CRYBG1: variants seen among roughly 807,000 people sequenced by gnomAD.
CRYBG1 encodes crystallin beta-gamma domain containing 1.
In CRYBG1, 139 loss-of-function variants were observed where a neutral mutation model predicts 189.2. The observed-to-expected ratio is 0.73, with a 90% CI of 0.64 to 0.85. The LOEUF is 0.85. Ranked by LOEUF, CRYBG1 falls within the 40% of genes least tolerant of loss-of-function variation. The pLI is 0.00. For missense variants in CRYBG1, 2,611 were observed against 2,675.8 expected (o/e 0.98, Z 0.53); for synonymous variants, 1,023 against 1,017.1 (o/e 1.01, Z -0.11).
chr6:106,557,867 G>A (rs190003373), intron 17 of CRYBG1, among the ~76,000 whole-genome samples: 106 of 152,342 alleles, frequency 7.0e-4, no homozygotes, highest in South Asian at 1.0e-3. Flanking sequence ...AACAGTGAAC[G>A]TTTGTGCTGT....
In CRYBG1 at chr6:106,451,781, C is replaced by G; in HGVS notation, c.261C>G (p.Thr87=). Residue 87 remains threonine (T), a synonymous_variant, in exon 2 of 22, where the codon ACC becomes ACG. Coordinates refer to ENST00000633556, the MANE Select transcript of CRYBG1 (RefSeq NM_001371242.2). The part of the protein sequence containing the change: ...LHCGESQFFH[T]TSEALGSLLL... ...GTGGGGAATCCCAGTTCTTCCACAC[C>G]ACCAGTGAGGCGCTTGGTTCCTTAC... 1 of 1,534,954 alleles carries G rather than the reference C, an allele frequency of 6.5e-7. No individual in the cohort carries two copies. Among genetic ancestry groups the G allele is most frequent in the Non-Finnish European group, 8.7e-7 (1 of 1,146,434 alleles).
chr6:106,502,100 T>C (rs1773024981), intron 2 of CRYBG1, among the ~76,000 whole-genome samples: 1 of 152,146 alleles, frequency 6.6e-6, no homozygotes, highest in South Asian at 2.1e-4. Flanking sequence ...GCTGTGTTAG[T>C]TGTCTCCAAG....
chr6:106,500,431 A>C (rs1772979001), intron 2 of CRYBG1, among the ~76,000 whole-genome samples: 3 of 97,334 alleles, frequency 3.1e-5, no homozygotes, highest in African/African-American at 9.0e-5. Flanking sequence ...TAAAAAAAAA[A>C]ACAAAAAAAA....
intron 1 of CRYBG1, among the ~76,000 whole-genome samples, chr6:106,390,462 G>C (rs1014317504): frequency 4.0e-5 from 6 of 150,232 alleles, no homozygotes; most frequent in African/African-American, 9.8e-5. Flanking sequence ...ATCTTACATA[G>C]AGCAAAATAT....
At chr6:106,561,689 G>C (rs911054548) in intron 20 of CRYBG1, among the ~76,000 whole-genome samples, 189 bp downstream of exon 20, 2 of 152,184 alleles carry the variant, frequency 1.3e-5, no homozygotes, top group Non-Finnish European at 2.9e-5. Flanking sequence ...AACTTAAAAT[G>C]AAAGGTAAAT....
At chr6:106,507,511 T>C (rs1227010010) in intron 2 of CRYBG1, among the ~76,000 whole-genome samples, 4 of 152,134 alleles carry the variant, frequency 2.6e-5, no homozygotes, top group African/African-American at 9.7e-5. Context: ...ATGAAGAAAC[T>C]TGATGGTCAC....
In CRYBG1 at chr6:106,571,917, A is replaced by C. The variant is rs1775073778; in HGVS notation, c.*3351A>C. 3 of 866,394 alleles carry C rather than the reference A, an allele frequency of 3.5e-6. No individual in the cohort carries two copies. The highest frequency in any genetic ancestry group is 4.1e-5 in the Admixed American group (2 of 48,742). 53.7% of individuals were successfully genotyped at this position (866,394 alleles called of 1,614,324 possible). A position where few individuals can be genotyped will look rare whatever the true frequency, so the allele number is the denominator to read the frequency against. The stretch of plus-strand genomic sequence containing the variant: ...AATCTAATCTGGAAAAATGTTTGAA[A>C]GGGATGGCTAGAAAAAAATTTGGGC... On this transcript the variant is annotated 3_prime_UTR_variant, in exon 22 of 22. Transcript: ENST00000633556.
intron 1 of CRYBG1, among the ~76,000 whole-genome samples, chr6:106,434,488 A>G (rs1562306129): frequency 6.6e-6 from 1 of 152,242 alleles, no homozygotes; most frequent in Non-Finnish European, 1.5e-5. Context: ...AATACTGATT[A>G]GAGTTTTAGG....
rs766645483 is a variant in CRYBG1 at position 106,530,331 on chromosome 6, T to C, written c.4718+16T>C. 1.9e-6 allele frequency: 3 copies of C among 1,592,008 alleles called. No individual in the cohort carries two copies. Among genetic ancestry groups the C allele is most frequent in the East Asian group, 2.2e-5 (1 of 44,662 alleles). ...ATTGGGGCACGTAAGTATTTTTTTT[T>C]CAAACAAATTTTAATGAAGTTTTTT... On this transcript the variant is annotated intron_variant, in intron 8 of 21. Transcript: ENST00000633556.
chr6:106,426,376 G>C (rs2114396757), intron 1 of CRYBG1, among the ~76,000 whole-genome samples: 1 of 152,018 alleles, frequency 6.6e-6, no homozygotes, highest in East Asian at 1.9e-4. Flanking sequence ...CACTTTCCTA[G>C]ACCCCACAGC....
chr6:106,391,968 T>TGTGTGCGC (rs780044542), intron 1 of CRYBG1, among the ~76,000 whole-genome samples: 9 of 59,440 alleles, frequency 1.5e-4, no homozygotes, highest in African/African-American at 9.8e-4. Flanking sequence ...TGTGTGTGTG[T>TGTGTGCGC]GTGCGTGCGC....
At chr6:106,375,090 A>T (rs924511628) in intron 1 of CRYBG1, among the ~76,000 whole-genome samples, 1 of 152,150 alleles carries the variant, frequency 6.6e-6, no homozygotes, top group African/African-American at 2.4e-5. Flanking sequence ...ACCTTGTTTA[A>T]AGAGCACTGT....
rs34366986 is a variant in CRYBG1, at chr6:106,566,167, G to GAAAA, written c.6301+2254_6301+2257dup. ...TGCTAGACACGGAGGGCACCAGCGTGAAAAAAAAAAAAAAAAGCCTCCTCC... is the reference window on the plus strand; with the variant it reads ...TGCTAGACACGGAGGGCACCAGCGTGAAAAAAAAAAAAAAAAAAAAGCCTCCTCC... On this transcript the variant is annotated intron_variant, in intron 21 of 21. Transcript: ENST00000633556. Among the ~76,000 whole-genome samples, 114 of 123,914 alleles carry GAAAA rather than the reference G, an allele frequency of 9.2e-4. 2 individuals are homozygous for GAAAA. The highest frequency in any genetic ancestry group is 1.7e-3 in the Admixed American group (21 of 12,230). The allele number at this position is 123,914 out of a possible 152,430, so 81.3% of individuals were successfully genotyped here.
chr6:106,538,567 C>A (rs1774056374), intron 8 of CRYBG1, among the ~76,000 whole-genome samples: 1 of 152,130 alleles, frequency 6.6e-6, no homozygotes, highest in African/African-American at 2.4e-5. Context: ...GTGTTCAATG[C>A]ACTTCCTGCA....
At chr6:106,529,600 CT>C (rs1275351288) in intron 7 of CRYBG1, among the ~76,000 whole-genome samples, 2 of 152,194 alleles carry the variant, frequency 1.3e-5, no homozygotes, top group African/African-American at 4.8e-5. Context: ...CTTTTGAAGA[CT>C]GTTTGGACCA....
At chr6:106,544,247 T>C (rs1774206302) in intron 11 of CRYBG1, among the ~76,000 whole-genome samples, 1 of 152,196 alleles carries the variant, frequency 6.6e-6, no homozygotes, top group African/African-American at 2.4e-5. Context: ...TTCATAATAT[T>C]TTTGTTACTA....
chr6:106,387,855 A>G (rs1193661509), intron 1 of CRYBG1, among the ~76,000 whole-genome samples: 1 of 152,232 alleles, frequency 6.6e-6, no homozygotes, highest in African/African-American at 2.4e-5. Flanking sequence ...GCTTTTTCCT[A>G]TGTATTATCA....
chr6:106,567,930 C>T (rs9486404), intron 21 of CRYBG1, among the ~76,000 whole-genome samples: 25,192 of 152,068 alleles, frequency 0.17, 2,619 homozygotes, highest in African/African-American at 0.29. Context: ...ACCGCGTCCC[C>T]TTATGTACTT....
chr6:106,483,122 C>G (rs1772505918), intron 2 of CRYBG1, among the ~76,000 whole-genome samples: 1 of 151,966 alleles, frequency 6.6e-6, no homozygotes. Context: ...ACCTGTTGAC[C>G]AGCCTCTTCC....
Sources: allele counts gnomAD v4.1 joint callset (sites outside exome capture counted in the v4.1 genomes callset), GRCh38; gene constraint gnomAD v4.1.1; transcripts MANE v1.5; gene names NCBI Gene and HGNC (gene_info 2026-07-23, HGNC 2026-07-21).